The following PLA2G12B variants were observed in gnomAD, a reference collection of about 807,000 sequenced individuals.
PLA2G12B encodes the protein group XIIB secretory phospholipase A2-like protein.
In PLA2G12B, 19 loss-of-function variants were observed where a neutral mutation model predicts 22.3. The observed-to-expected ratio is 0.85, with a 90% CI of 0.60 to 1.25. The LOEUF (loss-of-function observed/expected upper bound fraction) is 1.25, where lower values mean the gene tolerates loss of function less well. PLA2G12B is among the 50% of genes most tolerant of loss of function. The pLI is 0.00. For missense variants in PLA2G12B, 191 were observed against 246.6 expected, an observed-to-expected ratio of 0.77 and a Z score of 1.51; for synonymous variants, 81 against 94.9, an observed-to-expected ratio of 0.85 and a Z score of 0.85.
Position 72,938,957 on chromosome 10 carries a change from G to C in PLA2G12B, c.466+2212C>G, listed in dbSNP as rs372034272. On this transcript the variant is annotated intron_variant, in intron 3 of 3. Coordinates refer to ENST00000373032, the MANE Select transcript of PLA2G12B (RefSeq NM_032562.5). ...TAACAGGCAGCATGGTCCTGACATA[G>C]ATCAGTGGAATAGAATTGCGCATCT... Among the ~76,000 whole-genome samples the C allele has an allele frequency of 1.1e-4, 17 of 152,332 alleles. No homozygotes were observed. The South Asian group carries it at 2.7e-3, about 24-fold the overall frequency.
chr10:72,951,488 C>T (rs1026674815), intron 1 of PLA2G12B, among the ~76,000 whole-genome samples: 8 of 131,218 alleles, frequency 6.1e-5, no homozygotes, highest in Middle Eastern at 4.6e-3. Flanking sequence ...GGTGGAGTCT[C>T]GCTCTGTTGC....
intron 1 of PLA2G12B, among the ~76,000 whole-genome samples, chr10:72,949,176 C>A (rs190719660): frequency 2.0e-5 from 3 of 152,066 alleles, no homozygotes; most frequent in Non-Finnish European, 4.4e-5. Flanking sequence ...TGCACATGTA[C>A]CCCAGAACTT....
chr10:72,937,255 C>G (rs1846293970), intron 3 of PLA2G12B, among the ~76,000 whole-genome samples: 1 of 152,028 alleles, frequency 6.6e-6, no homozygotes, highest in Admixed American at 6.6e-5. Flanking sequence ...CTATGAATAC[C>G]TACATGCCAA....
chr10:72,945,555 C>G (rs1457778401), intron 1 of PLA2G12B, among the ~76,000 whole-genome samples: 1 of 152,178 alleles, frequency 6.6e-6, no homozygotes, highest in African/African-American at 2.4e-5. Context: ...CCCTGACCCT[C>G]AGCAAGTGTG....
intron 1 of PLA2G12B, among the ~76,000 whole-genome samples, chr10:72,947,953 C>T (rs1846469430): frequency 1.3e-5 from 2 of 152,330 alleles, no homozygotes; most frequent in South Asian, 4.1e-4. Context: ...CAGCTCACTA[C>T]AACCTCCGCC....
Position 72,935,386 on chromosome 10 carries a change from G to C in PLA2G12B, c.*231C>G, listed in dbSNP as rs1846264237. 4.3e-6 allele frequency: 2 copies of C among 469,928 alleles called. No individual in the cohort carries two copies. The highest frequency in any genetic ancestry group is 4.4e-5 in the South Asian group (1 of 22,724). 29.1% of individuals were successfully genotyped at this position (469,928 alleles called of 1,614,324 possible). Reference sequence around the variant, plus strand: ...ATTTCCAGGCAAATGTGTCTTGGTTGGGGAGAGCAGTCTTAAATGAAGAGT... The same window carrying C: ...ATTTCCAGGCAAATGTGTCTTGGTTCGGGAGAGCAGTCTTAAATGAAGAGT... On this transcript the variant is annotated 3_prime_UTR_variant, in exon 4 of 4. Coordinates refer to ENST00000373032, the MANE Select transcript of PLA2G12B (RefSeq NM_032562.5).
intron 2 of PLA2G12B, among the ~76,000 whole-genome samples, chr10:72,941,696 C>A (rs1384794235): frequency 6.6e-6 from 1 of 152,030 alleles, no homozygotes; most frequent in Non-Finnish European, 1.5e-5. Context: ...ACTTAACAGT[C>A]CCATATGAGA....
At position 72,940,368 on chromosome 10, in the gene PLA2G12B, G is replaced by T. The variant is rs186474875; in HGVS notation, c.466+801C>A. ...CTTTTCCTAAGTAAATTAGGAAAAA[G>T]AAATTATAGAGTCGGTGCTAGAATC... On this transcript the variant is annotated intron_variant, in intron 3 of 3. Transcript: ENST00000373032. Among the ~76,000 whole-genome samples, 958 of 152,282 alleles carry T rather than the reference G, an allele frequency of 6.3e-3. 10 individuals are homozygous for T. Among genetic ancestry groups the T allele is most frequent in the African/African-American group, 0.021 (892 of 41,544 alleles).
rs1178801021 is a variant in PLA2G12B, at chr10:72,935,708, AAC to A, written c.495_496del (p.Phe166GlnfsTer14). 2 of 1,614,066 alleles carry A rather than the reference AAC, an allele frequency of 1.2e-6. No individual in the cohort carries two copies. The highest frequency in any genetic ancestry group is 1.7e-6 in the Non-Finnish European group (2 of 1,180,018). On this transcript the variant is annotated frameshift_variant, in exon 4 of 4. Transcript: ENST00000373032. LOFTEE classifies it high-confidence loss of function. Reference sequence around the variant, plus strand: ...GCAGCCCAAGGTCCACACGGTGTTGAACACAGTGTCAACCAGGGAATCACAGG... The same window carrying A: ...GCAGCCCAAGGTCCACACGGTGTTGAACAGTGTCAACCAGGGAATCACAGG...
chr10:72,941,616 C>T (rs1482341035), intron 2 of PLA2G12B, among the ~76,000 whole-genome samples: 1 of 152,038 alleles, frequency 6.6e-6, no homozygotes, highest in African/African-American at 2.4e-5. Flanking sequence ...AGGCAGCTTA[C>T]AGTAATGAAA....
At chr10:72,945,975 A>G (rs1478468970) in intron 1 of PLA2G12B, among the ~76,000 whole-genome samples, 1 of 152,078 alleles carries the variant, frequency 6.6e-6, no homozygotes, top group Non-Finnish European at 1.5e-5. Context: ...TCTCTTTGTT[A>G]TATTTTTTCT....
At position 72,935,726 on chromosome 10, in the gene PLA2G12B, G is replaced by T. The variant is rs1233718008; in HGVS notation, c.479C>A (p.Ser160Tyr). Reference sequence around the variant, plus strand: ...GGTGTTGAACACAGTGTCAACCAGGGAATCACAGGCTGCTTGAAAAAGATG... The same window carrying T: ...GGTGTTGAACACAGTGTCAACCAGGTAATCACAGGCTGCTTGAAAAAGATG... ...FVSKVEAACDSLVDTVFNTVW... is the reference protein window; with the variant it reads ...FVSKVEAACDYLVDTVFNTVW... Residue 160 changes from serine (S) to tyrosine (Y), a missense_variant, in exon 4 of 4, where the codon TCC becomes TAC. By Grantham distance (144) the Ser-to-Tyr change is moderately radical (BLOSUM62 -2). Transcript: ENST00000373032. The T allele has an allele frequency of 6.2e-7, 1 of 1,613,670 alleles. No homozygotes were observed. The highest frequency in any genetic ancestry group is 8.5e-7 in the Non-Finnish European group (1 of 1,179,872).
In PLA2G12B at chr10:72,954,797, TG is replaced by T; in HGVS notation, c.-113del. The T allele has an allele frequency of 1.8e-6, 2 of 1,101,602 alleles. No homozygotes were observed. The highest frequency in any genetic ancestry group is 2.6e-6 in the Non-Finnish European group (2 of 771,170). The allele number at this position is 1,101,602 out of a possible 1,614,324, so 68.2% of individuals were successfully genotyped here. On this transcript the variant is annotated 5_prime_UTR_variant, in exon 1 of 4. An upstream open reading frame in the 5' UTR gains an earlier in-frame stop. Transcript: ENST00000373032. ...AGGCAGGACTGGGAAAGGGATTATC[TG>T]GAACATTCAATCTGTCTGTTCCCCA...
chr10:72,945,813 A>G (rs1329030040), intron 1 of PLA2G12B, among the ~76,000 whole-genome samples: 2 of 151,952 alleles, frequency 1.3e-5, no homozygotes, highest in African/African-American at 2.4e-5. Context: ...ACACCCAGCT[A>G]ATCTTTGTAT....
chr10:72,936,561 C>G (rs571411133), intron 3 of PLA2G12B, among the ~76,000 whole-genome samples: 1 of 152,072 alleles, frequency 6.6e-6, no homozygotes, highest in African/African-American at 2.4e-5. Context: ...GCAATCCATA[C>G]AGAGAGTAAA....
intron 1 of PLA2G12B, among the ~76,000 whole-genome samples, chr10:72,948,478 C>T (rs1846477363): frequency 6.6e-6 from 1 of 152,174 alleles, no homozygotes; most frequent in Non-Finnish European, 1.5e-5. Context: ...AGAAATCATT[C>T]AAGGATACCA....
chr10:72,954,652 GC>G lies in PLA2G12B; in HGVS notation c.33del (p.Trp11CysfsTer98). On this transcript the variant is annotated frameshift_variant, in exon 1 of 4. Transcript: ENST00000373032. LOFTEE classifies it high-confidence loss of function. The stretch of plus-strand genomic sequence containing the variant: ...TGAGCCAGGCCACCCCCAAGGCTGA[GC>G]CACAAAACCAAGAAGCCACTGGCCA... MKLASGFLVL[W>X]LSLGGGLAQS... 1 of 1,614,088 alleles carries G rather than the reference GC, an allele frequency of 6.2e-7. No individual in the cohort carries two copies. Among genetic ancestry groups the G allele is most frequent in the Non-Finnish European group, 8.5e-7 (1 of 1,180,010 alleles).
Position 72,935,505 on chromosome 10 carries a change from G to GT in PLA2G12B, c.*111dup. On this transcript the variant is annotated 3_prime_UTR_variant, in exon 4 of 4. Coordinates refer to ENST00000373032, the MANE Select transcript of PLA2G12B (RefSeq NM_032562.5). ...AAAAATGTTCCCTTTCTCCTGCTTT[G>GT]TGGTGTCCAAACTGTTGGAAGAACG... The GT allele has an allele frequency of 6.9e-7, 1 of 1,453,322 alleles. No homozygotes were observed. Among genetic ancestry groups the GT allele is most frequent in the South Asian group, 1.4e-5 (1 of 74,068 alleles). 90.0% of individuals were successfully genotyped at this position (1,453,322 alleles called of 1,614,324 possible).
At chr10:72,935,761 A>G in intron 3 of PLA2G12B, 23 bp from the exon 4 acceptor site, 2 of 1,612,824 alleles carry the variant, frequency 1.2e-6, no homozygotes, top group Non-Finnish European at 1.7e-6. Context: ...GAAGAGGGAC[A>G]GAAAGGTTAA....
Sources: allele counts gnomAD v4.1 joint callset (sites outside exome capture counted in the v4.1 genomes callset), GRCh38; gene constraint gnomAD v4.1.1; transcripts MANE v1.5; gene names NCBI Gene and HGNC (gene_info 2026-07-23, HGNC 2026-07-21).